The following ZNF714 variants were observed in gnomAD, a reference collection of about 807,000 sequenced individuals.
The protein encoded by ZNF714 is zinc finger protein 714.
A neutral mutation model predicts 46.2 loss-of-function variants in ZNF714; 32 were observed. The observed-to-expected ratio is 0.69, with a 90% confidence interval of 0.52 to 0.93. The LOEUF is 0.93. Ranked by LOEUF, ZNF714 falls within the 40% of genes least tolerant of loss-of-function variation. The pLI, the probability that ZNF714 is intolerant of heterozygous loss-of-function variation, is 0.00. For synonymous variants in ZNF714, 199 were observed against 213.1 expected (o/e 0.93, Z 0.58); for missense variants, 635 against 646.3 (o/e 0.98, Z 0.19).
rs1394297195 is a variant in ZNF714, at chr19:21,091,738, A to G, written c.-84-6447A>G. ...TGACTTTTCCTGGGTTGTACTTTTT[A>G]TAATAAACTAGTAAACATAACTACA... On this transcript the variant is annotated intron_variant, in intron 2 of 4. Transcript: ENST00000456283. The G allele has an allele frequency of 3.3e-5, 5 of 151,580 alleles. No individual in the cohort carries two copies. In the East Asian group the frequency reaches 7.8e-4, roughly 24 times the overall value. 9.4% of individuals were successfully genotyped at this position (151,580 alleles called of 1,614,324 possible).
chr19:21,102,369 A>G (rs183385503), intron 4 of ZNF714, among the ~76,000 whole-genome samples: 1 of 152,350 alleles, frequency 6.6e-6, no homozygotes, highest in East Asian at 1.9e-4. Context: ...AGTTTGCTGC[A>G]GGTAAAAAGG....
chr19:21,102,108 A>ATT (rs144473862), intron 4 of ZNF714, among the ~76,000 whole-genome samples: 1 of 152,018 alleles, frequency 6.6e-6, no homozygotes, highest in Non-Finnish European at 1.5e-5. Context: ...TCATAAAGGC[A>ATT]TTTTTTTGTC....
chr19:21,112,794 T>C (rs2144870581), intron 4 of ZNF714, among the ~76,000 whole-genome samples: 1 of 150,150 alleles, frequency 6.7e-6, no homozygotes, highest in Non-Finnish European at 1.5e-5. Flanking sequence ...CTCATTGGTT[T>C]CAAATAGTTT....
rs538767715 is a variant in ZNF714 at position 21,088,014 on chromosome 19, C to T, written c.-85+3945C>T. On this transcript the variant is annotated intron_variant, in intron 2 of 4. Coordinates refer to ENST00000456283, the MANE Select transcript of ZNF714 (RefSeq NM_182515.4). ...CGTACTAGGCGTGGAGTCCAGGACA[C>T]AGACACAAGTTTATATAAGGTCTGA... 7.9e-4 allele frequency among the ~76,000 whole-genome samples: 120 copies of T among 152,248 alleles called. No homozygotes were observed. In the Middle Eastern group the frequency reaches 0.014, roughly 17 times the overall value.
intron 4 of ZNF714, among the ~76,000 whole-genome samples, chr19:21,115,686 T>C (rs1221252157): frequency 1.3e-5 from 2 of 151,988 alleles, no homozygotes; most frequent in African/African-American, 4.8e-5. Flanking sequence ...CATTCTCTTC[T>C]TGTCTGTGGT....
intron 4 of ZNF714, among the ~76,000 whole-genome samples, chr19:21,109,459 G>C (rs1969396875): frequency 6.6e-6 from 1 of 151,986 alleles, no homozygotes; most frequent in Non-Finnish European, 1.5e-5. Flanking sequence ...GAGTTAAAGT[G>C]ATCAGATTCC....
rs553755072 is a variant in ZNF714 at position 21,093,967 on chromosome 19, AG to A, written c.-84-4216del. Among the ~76,000 whole-genome samples, 118 of 152,254 alleles carry A rather than the reference AG, an allele frequency of 7.8e-4. 1 individual carries two copies. Among genetic ancestry groups the A allele is most frequent in the African/African-American group, 2.7e-3 (113 of 41,554 alleles). On this transcript the variant is annotated intron_variant, in intron 2 of 4. Coordinates refer to ENST00000456283, the MANE Select transcript of ZNF714 (RefSeq NM_182515.4). ...TTATTTTAATCTAGTCTACATTAATAGGCAATTAGATTTGTTCCATGTTTTT... is the reference window on the plus strand; with the variant it reads ...TTATTTTAATCTAGTCTACATTAATAGCAATTAGATTTGTTCCATGTTTTT...
chr19:21,117,441 T>C lies in ZNF714; in HGVS notation c.777T>C (p.Cys259=). 6.2e-7 allele frequency: 1 copy of C among 1,612,732 alleles called. No homozygotes were observed. Among genetic ancestry groups the C allele is most frequent in the Non-Finnish European group, 8.5e-7 (1 of 1,179,302 alleles). The change falls in exon 5 of 5, where the codon TGT becomes TGC. Residue 259 remains cysteine (C), a synonymous_variant. Coordinates refer to ENST00000456283, the MANE Select transcript of ZNF714 (RefSeq NM_182515.4). ...ATACTGGAGAGAAGCCCTTCAAATG[T>C]GAAGAATGTGGTAAAGCTTTTAACC... ...VIHTGEKPFK[C]EECGKAFNHP...
chr19:21,100,011 A>G (rs977766265), intron 4 of ZNF714, among the ~76,000 whole-genome samples: 17 of 151,836 alleles, frequency 1.1e-4, no homozygotes, highest in Non-Finnish European at 1.8e-4. Context: ...ATGTGCCACC[A>G]TGCCCGGCTA....
chr19:21,117,577 A>C lies in ZNF714; in HGVS notation c.913A>C (p.Ile305Leu). 1 of 1,607,512 alleles carries C rather than the reference A, an allele frequency of 6.2e-7. No individual in the cohort carries two copies. Among genetic ancestry groups the C allele is most frequent in the Non-Finnish European group, 8.5e-7 (1 of 1,176,342 alleles). The part of the protein sequence containing the change: ...NRFSYLTKHK[I>L]IHSGEKSYKC... ...ATTCTCATACCTTACTAAACATAAG[A>C]TAATTCATTCTGGAGAGAAATCTTA... is the stretch of plus-strand genomic sequence containing the variant. The change falls in exon 5 of 5, where the codon ATA (isoleucine) becomes CTA (leucine). Residue 305 changes from isoleucine to leucine, a missense_variant. Ile to Leu is a conservative substitution (Grantham distance 5). Transcript: ENST00000456283.
intron 4 of ZNF714, among the ~76,000 whole-genome samples, chr19:21,101,752 C>T (rs889919810): frequency 2.6e-5 from 4 of 152,198 alleles, no homozygotes; most frequent in African/African-American, 9.6e-5. Context: ...CTCTCTTAGA[C>T]TGTAACTGGG....
At position 21,099,478 on chromosome 19, in the gene ZNF714, C is replaced by G. The variant is rs866723473; in HGVS notation, c.142+568C>G. ...TACAAGTGTGAGCCACCGTGCCCAG[C>G]TGGAAAACTCTATGTTACATTATTT... is the stretch of plus-strand genomic sequence containing the variant. On this transcript the variant is annotated intron_variant, in intron 4 of 4. Transcript: ENST00000456283. Among the ~76,000 whole-genome samples the G allele has an allele frequency of 2.0e-4, 31 of 151,656 alleles. 1 individual carries two copies. Among genetic ancestry groups the G allele is most frequent in the African/African-American group, 7.5e-4 (31 of 41,422 alleles).
rs762863940 is a variant in ZNF714, at chr19:21,124,780, A to T, written c.*6448A>T. On this transcript the variant is annotated 3_prime_UTR_variant, in exon 5 of 5. Transcript: ENST00000456283. Reference sequence around the variant, plus strand: ...TTTCTTCTAAATACCTTGGCATCTGATGGTCACCATTTTACTCTATACATC... The same window carrying T: ...TTTCTTCTAAATACCTTGGCATCTGTTGGTCACCATTTTACTCTATACATC... Among the ~76,000 whole-genome samples, 23 of 152,050 alleles carry T rather than the reference A, an allele frequency of 1.5e-4. No individual in the cohort carries two copies. The highest frequency in any genetic ancestry group is 3.4e-4 in the Non-Finnish European group (23 of 68,002).
Position 21,088,472 on chromosome 19 carries a change from G to T in ZNF714, c.-85+4403G>T, listed in dbSNP as rs200852716. ...AATTGAACAATTTTTAAAAGTCAAA[G>T]AACCAATTTATGACCTTAAAGTATT... On this transcript the variant is annotated intron_variant, in intron 2 of 4. Transcript: ENST00000456283. 4.6e-5 allele frequency among the ~76,000 whole-genome samples: 7 copies of T among 152,076 alleles called. No homozygotes were observed. The East Asian group carries it at 1.2e-3, about 25-fold the overall frequency.
intron 4 of ZNF714, among the ~76,000 whole-genome samples, chr19:21,099,899 A>G (rs1969133105): frequency 6.6e-6 from 1 of 152,178 alleles, no homozygotes; most frequent in South Asian, 2.1e-4. Context: ...TCTGTCACCC[A>G]GGCTGGAGTG....
intron 4 of ZNF714, among the ~76,000 whole-genome samples, chr19:21,106,568 CAAA>C (rs34970745): frequency 2.3e-5 from 2 of 88,216 alleles, no homozygotes; most frequent in East Asian, 2.9e-4. Flanking sequence ...GACTCCGTCT[CAAA>C]AAAAAAAAAA....
In ZNF714 at chr19:21,114,745, A is replaced by G. The variant is rs1221585575; in HGVS notation, c.143-2062A>G. Among the ~76,000 whole-genome samples, 3 of 152,152 alleles carry G rather than the reference A, an allele frequency of 2.0e-5. No homozygotes were observed. In the East Asian group the frequency reaches 5.8e-4, roughly 29 times the overall value. On this transcript the variant is annotated intron_variant, in intron 4 of 4. Transcript: ENST00000456283. ...ATGTAGTTGTTTTATAGCATCATTC[A>G]TCTTTGTACTTCACTTTGTTTTTGC...
chr19:21,098,943 A>T, intron 4 of ZNF714, 33 bp downstream of exon 4: 17 of 1,068,076 alleles, frequency 1.6e-5, no homozygotes, highest in Non-Finnish European at 2.2e-5. Context: ...GATGACACAG[A>T]TGAGAGGTAC....
intron 2 of ZNF714, among the ~76,000 whole-genome samples, chr19:21,084,817 C>A (rs1237601288): frequency 6.6e-6 from 1 of 151,266 alleles, no homozygotes; most frequent in Non-Finnish European, 1.5e-5. Context: ...GATTTTCCTG[C>A]CTCAGCTGGC....
Sources: gnomAD v4.1 joint callset for allele counts (sites outside exome capture counted in the v4.1 genomes callset) on GRCh38, gnomAD v4.1.1 for gene constraint, MANE v1.5 for transcripts, NCBI Gene and HGNC (gene_info 2026-07-23, HGNC 2026-07-21) for gene names.